RGL1: variants seen among roughly 807,000 people sequenced by gnomAD.
RGL1 encodes the protein ral guanine nucleotide dissociation stimulator like 1.
RGL1 carries 24 observed loss-of-function variants against 95.2 expected under a neutral mutation model. The ratio of observed to expected loss-of-function variants is 0.25; its 90% CI spans 0.18 to 0.35. RGL1 has a LOEUF of 0.35. Ranked by LOEUF, RGL1 falls within the 10% of genes least tolerant of loss-of-function variation. The pLI, the probability that RGL1 is intolerant of heterozygous loss-of-function variation, is 1.00. For missense variants in RGL1, 715 were observed against 936.3 expected, an observed-to-expected ratio of 0.76 and a Z score of 3.08; for synonymous variants, 329 against 344.9, an observed-to-expected ratio of 0.95 and a Z score of 0.51.
At chr1:183,683,425 G>A (rs2102085712) in intron 1 of RGL1, among the ~76,000 whole-genome samples, 1 of 152,278 alleles carries the variant, frequency 6.6e-6, no homozygotes, top group Non-Finnish European at 1.5e-5. Context: ...TGCTTATGAA[G>A]CTTAGTTTGG....
intron 1 of RGL1, among the ~76,000 whole-genome samples, chr1:183,671,712 T>C (rs1190027693): frequency 6.6e-6 from 1 of 152,168 alleles, no homozygotes; most frequent in Non-Finnish European, 1.5e-5. Context: ...TCCCAATTTC[T>C]TCCAAATGGA....
intron 3 of RGL1, among the ~76,000 whole-genome samples, chr1:183,860,785 C>A (rs970738947): frequency 6.6e-6 from 1 of 152,176 alleles, no homozygotes; most frequent in Non-Finnish European, 1.5e-5. Context: ...ACCATGTATA[C>A]TTCATGAAAA....
intron 2 of RGL1, among the ~76,000 whole-genome samples, chr1:183,747,689 T>A (rs1657729708): frequency 6.6e-6 from 1 of 152,234 alleles, no homozygotes; most frequent in African/African-American, 2.4e-5. Flanking sequence ...GAAGCCAACT[T>A]GATTGTGATG....
rs573430142 is a variant in RGL1 at position 183,907,432 on chromosome 1, G to T, written c.1562+331G>T. On this transcript the variant is annotated intron_variant, in intron 14 of 17. Transcript: ENST00000360851. ...TGTACACCAGATTATGTTGCTTCCT[G>T]TATAAAAACCCCTATAGCTTTTATT... is the stretch of plus-strand genomic sequence containing the variant. Among the ~76,000 whole-genome samples the T allele has an allele frequency of 1.9e-4, 29 of 152,194 alleles. 1 individual carries two copies. The Middle Eastern group carries it at 0.024, about 125-fold the overall frequency.
Position 183,847,744 on chromosome 1 carries a change from C to G in RGL1, c.317C>G (p.Thr106Ser). 1 of 1,613,992 alleles carries G rather than the reference C, an allele frequency of 6.2e-7. No individual in the cohort carries two copies. The highest frequency in any genetic ancestry group is 8.5e-7 in the Non-Finnish European group (1 of 1,179,904). ...FLSTYRGFAS[T>S]KEVLELLLDR... ...TCAACGTACAGAGGCTTTGCCTCCA[C>G]TAAAGAAGTGCTGGAACTACTGCTG... The change falls in exon 3 of 18, where the codon ACT becomes AGT. Residue 106 changes from threonine (T) to serine (S), a missense_variant. Thr to Ser is a moderately conservative substitution (Grantham distance 58). Around this residue, in one of 3 missense-constraint regions of RGL1, gnomAD observed 381 missense variants for 484.8 expected, o/e 0.79. Coordinates refer to ENST00000360851, the MANE Select transcript of RGL1 (RefSeq NM_001297671.3).
chr1:183,766,999 T>C (rs979752918), intron 2 of RGL1, among the ~76,000 whole-genome samples: 3 of 152,048 alleles, frequency 2.0e-5, no homozygotes, highest in African/African-American at 7.2e-5. Context: ...GAGGATTGCT[T>C]GAGACCAGGA....
At chr1:183,670,024 G>C (rs539201281) in intron 1 of RGL1, among the ~76,000 whole-genome samples, 112 of 152,172 alleles carry the variant, frequency 7.4e-4, no homozygotes, top group Non-Finnish European at 1.2e-3. Context: ...GATTTGGGTG[G>C]GGACACAGCC....
At chr1:183,712,083 A>T (rs953028979) in intron 1 of RGL1, among the ~76,000 whole-genome samples, 3 of 152,238 alleles carry the variant, frequency 2.0e-5, no homozygotes, top group African/African-American at 7.2e-5. Context: ...TGGAAATGAG[A>T]AAAATAATTA....
At chr1:183,650,567 A>G (rs146294298) in intron 1 of RGL1, among the ~76,000 whole-genome samples, 87 of 152,186 alleles carry the variant, frequency 5.7e-4, no homozygotes, top group Admixed American at 4.8e-3. Context: ...AAAACACAAT[A>G]TTCATGGCTA....
chr1:183,690,583 G>A (rs905011395), intron 1 of RGL1, among the ~76,000 whole-genome samples: 2 of 152,078 alleles, frequency 1.3e-5, no homozygotes, highest in Non-Finnish European at 2.9e-5. Context: ...TCATCTAAGC[G>A]ATGGAGGCTA....
chr1:183,853,383 G>A (rs1324437102), intron 3 of RGL1, among the ~76,000 whole-genome samples: 1 of 152,052 alleles, frequency 6.6e-6, no homozygotes, highest in Admixed American at 6.6e-5. Flanking sequence ...GGGTTAACTA[G>A]GTCTCCAGAA....
chr1:183,695,874 C>T (rs545175069), intron 1 of RGL1, among the ~76,000 whole-genome samples: 6 of 151,480 alleles, frequency 4.0e-5, no homozygotes, highest in Non-Finnish European at 7.4e-5. Context: ...GTTCGGTTGT[C>T]CCCCACTGAA....
At chr1:183,885,836 GGA>G (rs1667076921) in intron 7 of RGL1, among the ~76,000 whole-genome samples, 1 of 152,146 alleles carries the variant, frequency 6.6e-6, no homozygotes, top group Admixed American at 6.5e-5. Flanking sequence ...TAAAAGTGGG[GGA>G]GAGAGAAATC....
chr1:183,837,138 AG>A (rs1211599075), intron 2 of RGL1, among the ~76,000 whole-genome samples: 1 of 152,176 alleles, frequency 6.6e-6, no homozygotes, highest in Admixed American at 6.6e-5. Flanking sequence ...CTCTCCCTGG[AG>A]GATTGGTGAA....
chr1:183,920,440 T>C (rs543777493), intron 16 of RGL1, among the ~76,000 whole-genome samples: 5 of 152,264 alleles, frequency 3.3e-5, no homozygotes, highest in Admixed American at 6.5e-5. Context: ...GGATGCACGC[T>C]TGAGCTGTGA....
intron 1 of RGL1, among the ~76,000 whole-genome samples, chr1:183,684,879 C>T (rs548336756): frequency 1.3e-5 from 2 of 152,264 alleles, no homozygotes; most frequent in African/African-American, 4.8e-5. Flanking sequence ...GTTGAGAGGA[C>T]GCCCCCACCC....
chr1:183,833,522 C>G (rs371213348), intron 2 of RGL1, among the ~76,000 whole-genome samples: 4 of 152,154 alleles, frequency 2.6e-5, no homozygotes, highest in Admixed American at 2.6e-4. Flanking sequence ...AGGTGAATCT[C>G]TTGAAAACCC....
At chr1:183,844,862 T>G (rs1450110633) in intron 2 of RGL1, among the ~76,000 whole-genome samples, 1 of 152,182 alleles carries the variant, frequency 6.6e-6, no homozygotes, top group Non-Finnish European at 1.5e-5. Context: ...CTTTCAGAAA[T>G]TAAATAAAGA....
chr1:183,793,752 G>A (rs1220915868), intron 2 of RGL1, among the ~76,000 whole-genome samples: 1 of 151,908 alleles, frequency 6.6e-6, no homozygotes, highest in Non-Finnish European at 1.5e-5. Flanking sequence ...AATAATAAAT[G>A]CTGGTGAGGA....
Sources: gnomAD v4.1 joint callset for allele counts (sites outside exome capture counted in the v4.1 genomes callset) on GRCh38, gnomAD v4.1.1 for gene constraint, gnomAD v4.1.1 regional missense constraint, MANE v1.5 for transcripts, NCBI Gene and HGNC (gene_info 2026-07-23, HGNC 2026-07-21) for gene names.